The following CCDC7 variants were observed in gnomAD, a reference collection of about 807,000 sequenced individuals.
The protein encoded by CCDC7 is coiled-coil domain containing 7, also known as coiled-coil domain-containing protein 7.
A neutral mutation model predicts 196.9 loss-of-function variants in CCDC7; 183 were observed. The observed-to-expected ratio is 0.93, with a 90% CI of 0.82 to 1.05. The LOEUF (loss-of-function observed/expected upper bound fraction) is 1.05. Ranked by LOEUF, CCDC7 falls within the 50% of genes least tolerant of loss-of-function variation. The probability of loss-of-function intolerance (pLI) is 0.00; values close to 1 mark genes in which losing one functional copy is unlikely to be tolerated. For synonymous variants in CCDC7, 525 were observed against 484.6 expected (o/e 1.08, Z -1.10); for missense variants, 1,540 against 1,482.2 (o/e 1.04, Z -0.64).
At chr10:32,721,098 GA>G (rs372611497) in intron 25 of CCDC7, among the ~76,000 whole-genome samples, 28 of 145,118 alleles carry the variant, frequency 1.9e-4, no homozygotes, top group South Asian at 6.5e-4. Flanking sequence ...GTCTCCAAAA[GA>G]AAAAAAAAAG....
In CCDC7 at chr10:32,669,194, A is replaced by G. The variant is rs1330475900; in HGVS notation, c.2122+5033A>G. ...GTCCTTCATTCTGTTAATGTGATGT[A>G]TCACATTTATTGCTTTATGTTGAAC... On this transcript the variant is annotated intron_variant, in intron 21 of 41. Transcript: ENST00000639629. 2.0e-5 allele frequency among the ~76,000 whole-genome samples: 3 copies of G among 152,254 alleles called. No homozygotes were observed. In the East Asian group the frequency reaches 5.8e-4, roughly 29 times the overall value.
intron 41 of CCDC7, among the ~76,000 whole-genome samples, chr10:32,869,409 T>C (rs1389806379): frequency 6.6e-6 from 1 of 152,090 alleles, no homozygotes; most frequent in Non-Finnish European, 1.5e-5. Context: ...CACTTTTTGA[T>C]GGGGTTGTTT....
chr10:32,864,047 ATAAGGAATACT>A (rs2094115487), intron 41 of CCDC7, among the ~76,000 whole-genome samples: 3 of 151,734 alleles, frequency 2.0e-5, no homozygotes. Context: ...TCCTAATTTT[ATAAGGAATACT>A]TACAACTCAA....
At chr10:32,818,117 G>A (rs1487645996) in intron 31 of CCDC7, among the ~76,000 whole-genome samples, 2 of 152,102 alleles carry the variant, frequency 1.3e-5, no homozygotes, top group Non-Finnish European at 2.9e-5. Flanking sequence ...GACACACATA[G>A]GCTCAAAATA....
intron 20 of CCDC7, among the ~76,000 whole-genome samples, chr10:32,662,820 C>A (rs1276293702): frequency 6.6e-6 from 1 of 152,180 alleles, no homozygotes; most frequent in Non-Finnish European, 1.5e-5. Flanking sequence ...GAGAGTAGCA[C>A]AAATGAACCT....
chr10:32,816,533 GCCT>G (rs1469096563), intron 31 of CCDC7, among the ~76,000 whole-genome samples: 5 of 152,216 alleles, frequency 3.3e-5, no homozygotes, highest in African/African-American at 9.6e-5. Flanking sequence ...TGGACAGACT[GCCT>G]CCTCAAGTGG....
At chr10:32,547,188 TTA>T (rs982076753) in intron 13 of CCDC7, among the ~76,000 whole-genome samples, 1 of 152,080 alleles carries the variant, frequency 6.6e-6, no homozygotes, top group Middle Eastern at 3.2e-3. Flanking sequence ...CTGCTAAGTT[TTA>T]TGTTTTTTAA....
At chr10:32,701,722 A>G (rs193053042) in intron 24 of CCDC7, among the ~76,000 whole-genome samples, 5 of 152,240 alleles carry the variant, frequency 3.3e-5, no homozygotes, top group Non-Finnish European at 5.9e-5. Context: ...TCAGAGATTC[A>G]ACTTCTTCCT....
intron 21 of CCDC7, among the ~76,000 whole-genome samples, chr10:32,680,701 A>ATC (rs1244007560): frequency 1.3e-5 from 2 of 152,180 alleles, no homozygotes; most frequent in African/African-American, 4.8e-5. Context: ...TTTGCCTGTC[A>ATC]TCTTGGCGTC....
intron 18 of CCDC7, among the ~76,000 whole-genome samples, chr10:32,600,894 T>A (rs1456764602): frequency 6.6e-6 from 1 of 152,214 alleles, no homozygotes; most frequent in Admixed American, 6.5e-5. Context: ...CTCTTTTGTA[T>A]TAACTGTCTC....
intron 20 of CCDC7, among the ~76,000 whole-genome samples, chr10:32,648,211 A>G (rs1042508878): frequency 6.6e-6 from 1 of 152,034 alleles, no homozygotes; most frequent in African/African-American, 2.4e-5. Flanking sequence ...ACCAGTACCA[A>G]ACTGTTTTGG....
intron 18 of CCDC7, among the ~76,000 whole-genome samples, chr10:32,633,834 A>G (rs553877984): frequency 6.6e-6 from 1 of 151,628 alleles, no homozygotes; most frequent in South Asian, 2.1e-4. Context: ...GAGCAGTTTC[A>G]TTCCTCCTGT....
At chr10:32,782,613 A>T (rs1291935940) in intron 29 of CCDC7, among the ~76,000 whole-genome samples, 1 of 152,230 alleles carries the variant, frequency 6.6e-6, no homozygotes, top group Non-Finnish European at 1.5e-5. Flanking sequence ...AATTCCCATA[A>T]TACTTATGAG....
At chr10:32,689,698 G>GA (rs1491179730) in intron 23 of CCDC7, among the ~76,000 whole-genome samples, 1 of 152,018 alleles carries the variant, frequency 6.6e-6, no homozygotes, top group African/African-American at 2.4e-5. Context: ...TAGGGAAAAT[G>GA]AGAGTGTATT....
rs1314366893 is a variant in CCDC7 at position 32,603,547 on chromosome 10, G to T, written c.1801+19243G>T. On this transcript the variant is annotated intron_variant, in intron 18 of 41. Coordinates refer to ENST00000639629, the Ensembl canonical transcript of CCDC7. ...TATAATGTTTTTTTTAATAATGATT[G>T]TACTAATTTACATTCCCACCAGCCA... 2.8e-5 allele frequency among the ~76,000 whole-genome samples: 4 copies of T among 144,674 alleles called. No homozygotes were observed. In the East Asian group the frequency reaches 6.0e-4, roughly 22 times the overall value. The allele number at this position is 144,674 out of a possible 152,430, so 94.9% of individuals were successfully genotyped here. A position where few individuals can be genotyped will look rare whatever the true frequency, so the allele number is the denominator to read the frequency against.
At chr10:32,781,033 C>A (rs919544933) in intron 29 of CCDC7, among the ~76,000 whole-genome samples, 1 of 151,780 alleles carries the variant, frequency 6.6e-6, no homozygotes, top group African/African-American at 2.4e-5. Context: ...ACACTGTGAA[C>A]AACTGTACAC....
At chr10:32,816,523 T>C (rs2088605788) in intron 31 of CCDC7, among the ~76,000 whole-genome samples, 1 of 152,316 alleles carries the variant, frequency 6.6e-6, no homozygotes, top group South Asian at 2.1e-4. Flanking sequence ...GATCTGAGAA[T>C]GGACAGACTG....
At chr10:32,721,831 TAGA>T (rs2082454230) in intron 25 of CCDC7, among the ~76,000 whole-genome samples, 1 of 152,074 alleles carries the variant, frequency 6.6e-6, no homozygotes, top group South Asian at 2.1e-4. Flanking sequence ...TTCAATATAG[TAGA>T]AGGTTAGAAC....
rs564824239 is a variant in CCDC7, at chr10:32,780,333, G to A, written c.3013+1249G>A. Among the ~76,000 whole-genome samples, 20 of 152,248 alleles carry A rather than the reference G, an allele frequency of 1.3e-4. No homozygotes were observed. In the South Asian group the frequency reaches 3.9e-3, roughly 30 times the overall value. On this transcript the variant is annotated intron_variant, in intron 29 of 41. Coordinates refer to ENST00000639629, the Ensembl canonical transcript of CCDC7. ...AAATAAAGATCTCTGGCAAAGATAA[G>A]TCCATGGGCAAATATAAAAGCCATT...
Sources: allele counts gnomAD v4.1 joint callset (sites outside exome capture counted in the v4.1 genomes callset), GRCh38; gene constraint gnomAD v4.1.1; transcripts MANE v1.5; gene names NCBI Gene and HGNC (gene_info 2026-07-23, HGNC 2026-07-21).